The following DGKH variants were observed in gnomAD, a reference collection of about 807,000 sequenced individuals.
DGKH encodes DAG kinase eta.
In DGKH, 90 loss-of-function variants were observed where a neutral mutation model predicts 159.3. The observed-to-expected ratio is 0.57, with a 90% CI of 0.48 to 0.67. DGKH has a LOEUF of 0.67. DGKH is among the 30% of genes least tolerant of loss of function. DGKH has a pLI of 0.00. For synonymous variants in DGKH, 536 were observed against 553.8 expected (o/e 0.97, Z 0.45); for missense variants, 1,181 against 1,506.1 (o/e 0.78, Z 3.57).
chr13:42,042,412 T>G (rs1880569551), intron 1 of DGKH, among the ~76,000 whole-genome samples: 1 of 152,212 alleles, frequency 6.6e-6, no homozygotes, highest in African/African-American at 2.4e-5. Flanking sequence ...AAGTGACAAG[T>G]AAAATGCTCA....
At chr13:42,211,973 A>G (rs762507375) in intron 24 of DGKH, among the ~76,000 whole-genome samples, 14 of 152,158 alleles carry the variant, frequency 9.2e-5, no homozygotes, top group Admixed American at 3.3e-4. Context: ...GGGAGCTACA[A>G]TTCAAGATGA....
downstream of DGKH, chr13:42,243,009 T>C (rs574200615): frequency 6.6e-6 from 1 of 152,300 alleles, no homozygotes; most frequent in East Asian, 1.9e-4. Flanking sequence ...AGAGAGCTCG[T>C]GTACCCTTTA....
At position 42,159,271 on chromosome 13, in the gene DGKH, A is replaced by G. The variant is rs1179848706; in HGVS notation, c.628A>G (p.Lys210Glu). The change falls in exon 6 of 30, where the codon AAA (lysine) becomes GAA (glutamate). Residue 210 changes from lysine (K) to glutamate (E), a missense_variant. By Grantham distance (56) the Lys-to-Glu change is moderately conservative (BLOSUM62 1). Around this residue, in one of 5 missense-constraint regions of DGKH, gnomAD observed 369 missense variants for 519.4 expected, o/e 0.71. Transcript: ENST00000337343. ...TSHGLSCEVC[K>E]FKAHKRCAVR... ...TTTTTTTTTTTTTTTTTTAGTGTGT[A>G]AATTCAAGGCTCACAAAAGATGTGC... is the stretch of plus-strand genomic sequence containing the variant. 1.2e-5 allele frequency: 2 copies of G among 160,866 alleles called. No individual in the cohort carries two copies. Among genetic ancestry groups the G allele is most frequent in the Non-Finnish European group, 2.0e-5 (2 of 98,374 alleles). 10.0% of individuals were successfully genotyped at this position (160,866 alleles called of 1,614,324 possible).
chr13:42,226,269 C>T (rs907432407), intron 29 of DGKH, among the ~76,000 whole-genome samples: 3 of 152,028 alleles, frequency 2.0e-5, no homozygotes, highest in African/African-American at 7.2e-5. Context: ...CTAGTCAGAA[C>T]GGCAATTGTT....
At chr13:42,174,030 T>A in intron 11 of DGKH, 30 bp from the exon 12 acceptor site, 1 of 1,580,462 alleles carries the variant, frequency 6.3e-7, no homozygotes, top group Non-Finnish European at 8.7e-7. Flanking sequence ...TTTAAGGAAA[T>A]CTTTGACCAA....
chr13:42,200,538 T>C (rs1337016779), intron 20 of DGKH, among the ~76,000 whole-genome samples: 1 of 152,232 alleles, frequency 6.6e-6, no homozygotes, highest in Non-Finnish European at 1.5e-5. Flanking sequence ...ACTCACTGTT[T>C]ATGCCGATGG....
In DGKH at chr13:42,041,955, C is replaced by T. The variant is rs193118514; in HGVS notation, c.-13+1829C>T. On this transcript the variant is annotated intron_variant, in intron 1 of 29. Coordinates refer to the DGKH transcript ENST00000379274. ...CCGCTAGGTCAGGTGCCAGGGTTGG[C>T]TGTCCTTTTTCTTTTCTAGTATATA... Among the ~76,000 whole-genome samples the T allele has an allele frequency of 7.4e-4, 113 of 152,336 alleles. 1 individual carries two copies. Among genetic ancestry groups the T allele is most frequent in the Admixed American group, 1.5e-3 (23 of 15,296 alleles).
At chr13:42,102,606 T>C (rs2137777942) in intron 1 of DGKH, among the ~76,000 whole-genome samples, 1 of 152,280 alleles carries the variant, frequency 6.6e-6, no homozygotes, top group East Asian at 1.9e-4. Flanking sequence ...CTCTGCCTAG[T>C]GAATTAAAGG....
In DGKH at chr13:42,203,308, A is replaced by G. The variant is rs183207679; in HGVS notation, c.2494-2731A>G. ...GGCATTGCTTAAGTTCAAACAGCTG[A>G]TAAGTGGAAGAGCCAACATTTCAAA... On this transcript the variant is annotated intron_variant, in intron 20 of 29. Transcript: ENST00000337343. Among the ~76,000 whole-genome samples, 31 of 152,360 alleles carry G rather than the reference A, an allele frequency of 2.0e-4. 1 individual carries two copies. Among genetic ancestry groups the G allele is most frequent in the Non-Finnish European group, 4.0e-4 (27 of 68,032 alleles).
At chr13:42,197,501 A>C (rs1206535406) in intron 17 of DGKH, among the ~76,000 whole-genome samples, 1 of 152,142 alleles carries the variant, frequency 6.6e-6, no homozygotes, top group Non-Finnish European at 1.5e-5. Context: ...ATAATGAATA[A>C]TAATAATTCC....
chr13:42,178,286 A>T, intron 13 of DGKH, 66 bp downstream of exon 13: 1 of 1,242,282 alleles, frequency 8.0e-7, no homozygotes, highest in Non-Finnish European at 1.1e-6. Flanking sequence ...CCTACCATTT[A>T]GGTCATTTCT....
chr13:42,186,228 T>TA (rs1402517411), intron 13 of DGKH, among the ~76,000 whole-genome samples: 1 of 152,190 alleles, frequency 6.6e-6, no homozygotes, highest in Non-Finnish European at 1.5e-5. Context: ...TACTATGATT[T>TA]AAAAAATAGC....
At chr13:42,065,738 G>C (rs1212460424) in intron 1 of DGKH, among the ~76,000 whole-genome samples, 2 of 152,078 alleles carry the variant, frequency 1.3e-5, no homozygotes, top group African/African-American at 4.8e-5. Context: ...AGGAGGCCGG[G>C]GTCCCATCGG....
intron 28 of DGKH, 110 bp downstream of exon 28, chr13:42,219,904 T>C (rs1957922938): frequency 1.3e-5 from 12 of 893,620 alleles, no homozygotes; most frequent in Non-Finnish European, 2.1e-5. Flanking sequence ...GGTTGAGCAT[T>C]GTGCAGTATG....
At chr13:42,184,134 A>G (rs904374353) in intron 13 of DGKH, among the ~76,000 whole-genome samples, 4 of 152,224 alleles carry the variant, frequency 2.6e-5, no homozygotes, top group Non-Finnish European at 5.9e-5. Context: ...GCACAAAGAC[A>G]GCTAGAGACA....
At chr13:42,103,681 C>T (rs989030695) in intron 1 of DGKH, among the ~76,000 whole-genome samples, 1 of 152,178 alleles carries the variant, frequency 6.6e-6, no homozygotes, top group African/African-American at 2.4e-5. Context: ...CACCTCTGAA[C>T]TAATTGCTAA....
At chr13:42,042,225 A>G (rs969500002) in intron 1 of DGKH, among the ~76,000 whole-genome samples, 4 of 152,262 alleles carry the variant, frequency 2.6e-5, no homozygotes, top group Admixed American at 6.5e-5. Flanking sequence ...TTTAAATCAA[A>G]GATCATTGAG....
At chr13:42,072,981 C>T (rs930306893) in intron 1 of DGKH, among the ~76,000 whole-genome samples, 1 of 152,160 alleles carries the variant, frequency 6.6e-6, no homozygotes, top group African/African-American at 2.4e-5. Context: ...AATATAAACT[C>T]CATGGGGGCA....
rs376697175 is a variant in DGKH at position 42,209,019 on chromosome 13, A to G, written c.2662A>G (p.Met888Val). The G allele has an allele frequency of 2.4e-5, 38 of 1,613,002 alleles. No homozygotes were observed. The highest frequency in any genetic ancestry group is 3.1e-5 in the Non-Finnish European group (37 of 1,179,532). The stretch of plus-strand genomic sequence containing the variant: ...GGAAGTTGTAGCAATATTTGATAGC[A>G]TGCAAATGGCAGTTTCAAGGGTCAT... ...ILEVVAIFDS[M>V]QMAVSRVIKL... The change falls in exon 22 of 30, where the codon ATG (methionine) becomes GTG (valine). Residue 888 changes from methionine (M) to valine (V), a missense_variant. Coordinates refer to ENST00000337343, the MANE Select transcript of DGKH (RefSeq NM_178009.5).
Sources: allele counts gnomAD v4.1 joint callset (sites outside exome capture counted in the v4.1 genomes callset), GRCh38; gene constraint gnomAD v4.1.1; regional missense constraint gnomAD v4.1.1; transcripts MANE v1.5; gene names NCBI Gene and HGNC (gene_info 2026-07-23, HGNC 2026-07-21).